LHCGR: variants seen among roughly 807,000 people sequenced by gnomAD.
LHCGR encodes the protein lutropin-choriogonadotropic hormone receptor.
Under a neutral mutation model 60.7 loss-of-function variants are expected in LHCGR, and 55 were observed. The observed-to-expected ratio is 0.91, with a 90% confidence interval of 0.73 to 1.13. The LOEUF (loss-of-function observed/expected upper bound fraction) is 1.13. Ranked by LOEUF, LHCGR falls within the 50% of genes most tolerant of loss-of-function variation. The probability of loss-of-function intolerance (pLI) is 0.00; values close to 1 mark genes in which losing one functional copy is unlikely to be tolerated. For synonymous variants in LHCGR, 337 were observed against 316.5 expected (o/e 1.06, Z -0.69); for missense variants, 862 against 836.0 (o/e 1.03, Z -0.38).
At chr2:48,717,410 C>T (rs562012341) in intron 6 of LHCGR, among the ~76,000 whole-genome samples, 1 of 152,320 alleles carries the variant, frequency 6.6e-6, no homozygotes, top group African/African-American at 2.4e-5. Context: ...CATCTCTCTA[C>T]ATTAGTTTCC....
chr2:48,753,548 G>C (rs1274974193), intron 1 of LHCGR, among the ~76,000 whole-genome samples: 3 of 152,128 alleles, frequency 2.0e-5, no homozygotes, highest in Non-Finnish European at 2.9e-5. Context: ...AACCTAGTCA[G>C]CCCTATCAGA....
At chr2:48,740,946 A>C (rs1368213313) in intron 1 of LHCGR, among the ~76,000 whole-genome samples, 1 of 152,206 alleles carries the variant, frequency 6.6e-6, no homozygotes, top group Non-Finnish European at 1.5e-5. Flanking sequence ...ACTTTGAAAA[A>C]AATTTAGAAG....
chr2:48,729,756 C>T (rs1373148801), intron 2 of LHCGR, among the ~76,000 whole-genome samples: 1 of 152,186 alleles, frequency 6.6e-6, no homozygotes, highest in Non-Finnish European at 1.5e-5. Flanking sequence ...GTGGTCAACT[C>T]CTGCACATGG....
rs1022078673 is a variant in LHCGR, at chr2:48,694,312, A to G, written c.867-8T>C. ...GAATGTGAAAAATTCTGTCTGAAAG[A>G]GAAGAGGTTAAAAAAAGCATTTGAG... On this transcript the variant is annotated splice_region_variant and splice_polypyrimidine_tract_variant and intron_variant, in intron 9 of 10. Coordinates refer to ENST00000294954, the MANE Select transcript of LHCGR (RefSeq NM_000233.4). 16 of 1,571,352 alleles carry G rather than the reference A, an allele frequency of 1.0e-5. No homozygotes were observed. Among genetic ancestry groups the G allele is most frequent in the Non-Finnish European group, 1.4e-5 (16 of 1,145,282 alleles).
At chr2:48,709,226 C>A (rs1269941500) in intron 7 of LHCGR, among the ~76,000 whole-genome samples, 1 of 152,074 alleles carries the variant, frequency 6.6e-6, no homozygotes, top group African/African-American at 2.4e-5. Flanking sequence ...TTGGCCACAC[C>A]TTTTTTCTTC....
At chr2:48,702,133 G>A (rs1667440042) in intron 8 of LHCGR, among the ~76,000 whole-genome samples, 1 of 152,136 alleles carries the variant, frequency 6.6e-6, no homozygotes, top group African/African-American at 2.4e-5. Flanking sequence ...ACAGTATCTG[G>A]AACTCTGTTG....
At chr2:48,704,267 C>G (rs1052026023) in intron 8 of LHCGR, among the ~76,000 whole-genome samples, 2 of 152,070 alleles carry the variant, frequency 1.3e-5, no homozygotes, top group African/African-American at 2.4e-5. Context: ...TAAGCTTTTT[C>G]ATGTGCTGCT....
At position 48,687,866 on chromosome 2, in the gene LHCGR, C is replaced by T; in HGVS notation, c.1931G>A (p.Cys644Tyr). ...FFLLLSKFGCCKRRAELYRRK... is the reference protein window; with the variant it reads ...FFLLLSKFGCYKRRAELYRRK... ...TCTATAAAGTTCAGCCCGACGTTTA[C>T]AGCAGCCAAATTTGCTCAGCAAAAG... The change falls in exon 11 of 11, where the codon TGT becomes TAT. Residue 644 changes from cysteine to tyrosine, a missense_variant. Transcript: ENST00000294954. 1 of 1,614,128 alleles carries T rather than the reference C, an allele frequency of 6.2e-7. No individual in the cohort carries two copies. Among genetic ancestry groups the T allele is most frequent in the Non-Finnish European group, 8.5e-7 (1 of 1,180,038 alleles).
Position 48,687,642 on chromosome 2 carries a change from A to C in LHCGR, c.*55T>G. The C allele has an allele frequency of 6.9e-7, 1 of 1,441,272 alleles. No homozygotes were observed. Among genetic ancestry groups the C allele is most frequent in the Non-Finnish European group, 9.8e-7 (1 of 1,024,730 alleles). The allele number at this position is 1,441,272 out of a possible 1,614,324, so 89.3% of individuals were successfully genotyped here. On this transcript the variant is annotated 3_prime_UTR_variant, in exon 11 of 11. Transcript: ENST00000294954. Reference sequence around the variant, plus strand: ...TTATGTTAAAATTACTGGTACAGGTAATTTTTTTTTACAGGTTTAAGAACA... The same window carrying C: ...TTATGTTAAAATTACTGGTACAGGTCATTTTTTTTTACAGGTTTAAGAACA...
At chr2:48,723,138 A>G (rs1216460876) in intron 6 of LHCGR, among the ~76,000 whole-genome samples, 2 of 152,052 alleles carry the variant, frequency 1.3e-5, no homozygotes, top group African/African-American at 4.8e-5. Context: ...CAGGAAAGCC[A>G]CTCCTCTCTA....
intron 10 of LHCGR, among the ~76,000 whole-genome samples, chr2:48,692,929 C>G (rs1055051162): frequency 1.3e-5 from 2 of 152,108 alleles, no homozygotes; most frequent in African/African-American, 4.8e-5. Context: ...TGTCTTAAAG[C>G]AGTGATAGCA....
intron 1 of LHCGR, among the ~76,000 whole-genome samples, chr2:48,746,082 A>T (rs1450949831): frequency 1.3e-5 from 2 of 152,178 alleles, no homozygotes; most frequent in African/African-American, 4.8e-5. Flanking sequence ...CATAATACTA[A>T]TATAGCATGC....
intron 7 of LHCGR, among the ~76,000 whole-genome samples, chr2:48,712,612 A>C (rs1668049591): frequency 6.6e-6 from 1 of 152,088 alleles, no homozygotes; most frequent in South Asian, 2.1e-4. Flanking sequence ...AATTTCTTGA[A>C]CACTTAGTAT....
chr2:48,750,002 G>A (rs1487724022), intron 1 of LHCGR, among the ~76,000 whole-genome samples: 1 of 152,222 alleles, frequency 6.6e-6, no homozygotes. Flanking sequence ...TTGAGGCATG[G>A]CTGGGAGAGC....
chr2:48,696,264 A>G lies in LHCGR; in HGVS notation c.867-1960T>C, dbSNP rs3792249. Among the ~76,000 whole-genome samples the G allele has an allele frequency of 5.8e-3, 887 of 152,324 alleles. 14 individuals are homozygous for G. The highest frequency in any genetic ancestry group is 0.049 in the East Asian group (255 of 5,184). ...ATGAAAGAAGTATCATGCTGTTGAC[A>G]CATTATTACAAGGTTTATCAACTGC... On this transcript the variant is annotated intron_variant, in intron 9 of 10. Transcript: ENST00000294954.
At chr2:48,705,399 A>T (rs899564018) in intron 8 of LHCGR, among the ~76,000 whole-genome samples, 1 of 152,182 alleles carries the variant, frequency 6.6e-6, no homozygotes, top group Non-Finnish European at 1.5e-5. Context: ...GTAGATGTCT[A>T]TTAGGTCTTC....
intron 9 of LHCGR, among the ~76,000 whole-genome samples, chr2:48,696,678 A>C (rs911399307): frequency 1.3e-5 from 2 of 152,224 alleles, no homozygotes; most frequent in Non-Finnish European, 2.9e-5. Context: ...GAGGGCCTCA[A>C]CTTTTACTGA....
At chr2:48,727,679 C>G (rs1668797498) in intron 3 of LHCGR, among the ~76,000 whole-genome samples, 2 of 152,250 alleles carry the variant, frequency 1.3e-5, no homozygotes, top group South Asian at 4.1e-4. Flanking sequence ...TGCTTCTCAG[C>G]TAAGTCCAGA....
chr2:48,732,194 G>A (rs755644718), intron 1 of LHCGR, among the ~76,000 whole-genome samples: 1 of 152,232 alleles, frequency 6.6e-6, no homozygotes, highest in Non-Finnish European at 1.5e-5. Flanking sequence ...CGAACATGCA[G>A]CCAACATTTA....
Sources: allele counts gnomAD v4.1 joint callset (sites outside exome capture counted in the v4.1 genomes callset), GRCh38; gene constraint gnomAD v4.1.1; transcripts MANE v1.5; gene names NCBI Gene and HGNC (gene_info 2026-07-23, HGNC 2026-07-21).